The following ABCA13 variants were observed in gnomAD, a reference collection of about 807,000 sequenced individuals.
The protein encoded by ABCA13 is ATP binding cassette subfamily A member 13, also known as ATP-binding cassette sub-family A member 13.
In ABCA13, 476 loss-of-function variants were observed where a neutral mutation model predicts 478.7. The observed-to-expected ratio is 0.99, with a 90% CI of 0.92 to 1.07. ABCA13 has a LOEUF of 1.07. Ranked by LOEUF, ABCA13 falls within the 50% of genes least tolerant of loss-of-function variation. ABCA13 has a pLI of 0.00. For synonymous variants in ABCA13, 2,252 were observed against 2,158.9 expected, an observed-to-expected ratio of 1.04 and a Z score of -1.20; for missense variants, 6,060 against 5,910.6, an observed-to-expected ratio of 1.03 and a Z score of -0.83.
At chr7:48,589,918 AG>A (rs1789552287) in intron 57 of ABCA13, among the ~76,000 whole-genome samples, 1 of 152,190 alleles carries the variant, frequency 6.6e-6, no homozygotes, top group Non-Finnish European at 1.5e-5. Flanking sequence ...CACCTCCCAA[AG>A]GTCACACCTC....
chr7:48,395,224 ACT>A (rs1173679931), intron 38 of ABCA13, among the ~76,000 whole-genome samples: 1 of 151,886 alleles, frequency 6.6e-6, no homozygotes, highest in African/African-American at 2.4e-5. Flanking sequence ...TGGTTCACAC[ACT>A]CTCTCCAGTT....
chr7:48,187,019 G>GTA (rs773804724), intron 1 of ABCA13, among the ~76,000 whole-genome samples: 3,907 of 145,084 alleles, frequency 0.027, 70 homozygotes, highest in South Asian at 0.078. Flanking sequence ...ATGTGTGTGT[G>GTA]TATATATATA....
intron 59 of ABCA13, among the ~76,000 whole-genome samples, chr7:48,635,727 G>C (rs1461590861): frequency 6.6e-6 from 1 of 152,186 alleles, no homozygotes; most frequent in Non-Finnish European, 1.5e-5. Flanking sequence ...CTTGGATGCA[G>C]CAGGCTGGAG....
chr7:48,483,262 T>G, intron 47 of ABCA13, 99 bp downstream of exon 47: 1 of 1,013,066 alleles, frequency 9.9e-7, no homozygotes, highest in East Asian at 2.7e-5. Context: ...AGGACCAGAT[T>G]AAATCCAATC....
chr7:48,185,041 G>A (rs1470918437), intron 1 of ABCA13, among the ~76,000 whole-genome samples: 2 of 147,434 alleles, frequency 1.4e-5, no homozygotes, highest in Non-Finnish European at 3.0e-5. Flanking sequence ...TCTCCATGTT[G>A]CCTAGGCTGA....
intron 48 of ABCA13, among the ~76,000 whole-genome samples, chr7:48,500,318 G>A (rs138261392): frequency 3.3e-5 from 5 of 152,270 alleles, no homozygotes; most frequent in Non-Finnish European, 5.9e-5. Flanking sequence ...AGCCCATGCC[G>A]TTGCAATTGC....
intron 2 of ABCA13, among the ~76,000 whole-genome samples, chr7:48,194,337 G>A (rs143556036): frequency 3.4e-5 from 5 of 146,506 alleles, no homozygotes; most frequent in Admixed American, 6.8e-5. Context: ...AGATAATGAT[G>A]ATGGTAATGA....
chr7:48,206,026 C>T (rs751078138), intron 3 of ABCA13, among the ~76,000 whole-genome samples: 1 of 152,144 alleles, frequency 6.6e-6, no homozygotes, highest in Admixed American at 6.6e-5. Context: ...CCCAACCTAC[C>T]TCCACTCACC....
chr7:48,404,737 A>T (rs1007052391), intron 39 of ABCA13: 1 of 152,350 alleles, frequency 6.6e-6, no homozygotes, highest in East Asian at 1.9e-4. Flanking sequence ...TGGACCATCA[A>T]ATTCTATCTT....
At chr7:48,372,146 G>A (rs1032239050) in intron 32 of ABCA13, 22 bp from the exon 33 acceptor site, 5 of 1,594,638 alleles carry the variant, frequency 3.1e-6, no homozygotes, top group African/African-American at 2.7e-5. Context: ...TGGTAACCTT[G>A]GGTTTTTTCT....
chr7:48,366,278 A>T (rs1240219137), intron 31 of ABCA13, among the ~76,000 whole-genome samples: 1 of 151,654 alleles, frequency 6.6e-6, no homozygotes, highest in East Asian at 1.9e-4. Flanking sequence ...CTTCCTTTAG[A>T]TACCTGTGTG....
chr7:48,531,799 T>A (rs1833257219), intron 55 of ABCA13, among the ~76,000 whole-genome samples: 1 of 149,792 alleles, frequency 6.7e-6, no homozygotes, highest in African/African-American at 2.5e-5. Context: ...ATTCTCCGTT[T>A]GGTTGCTTTT....
chr7:48,519,495 TA>T (rs1179506071), intron 52 of ABCA13, among the ~76,000 whole-genome samples: 13 of 152,360 alleles, frequency 8.5e-5, no homozygotes, highest in African/African-American at 2.6e-4. Context: ...AATCACAGTT[TA>T]TATGATGACA....
intron 26 of ABCA13, among the ~76,000 whole-genome samples, chr7:48,315,002 G>A (rs2128892820): frequency 6.6e-6 from 1 of 152,264 alleles, no homozygotes; most frequent in African/African-American, 2.4e-5. Context: ...GTTTTTATTA[G>A]AAAGGCAGAA....
chr7:48,189,181 G>A (rs1382365303), intron 1 of ABCA13, among the ~76,000 whole-genome samples: 6 of 152,288 alleles, frequency 3.9e-5, no homozygotes, highest in Admixed American at 6.5e-5. Context: ...TGAGATGTGC[G>A]AGATACGGTG....
chr7:48,178,311 G>A (rs1795158644), intron 1 of ABCA13, among the ~76,000 whole-genome samples: 2 of 152,210 alleles, frequency 1.3e-5, no homozygotes, highest in African/African-American at 2.4e-5. Context: ...AAGCATCTCA[G>A]TGTTTCTTTA....
chr7:48,574,798 C>T (rs1788013149), intron 55 of ABCA13, among the ~76,000 whole-genome samples: 1 of 152,178 alleles, frequency 6.6e-6, no homozygotes, highest in African/African-American at 2.4e-5. Context: ...ACACATGTCT[C>T]CTCTCAGTGA....
intron 2 of ABCA13, among the ~76,000 whole-genome samples, chr7:48,193,829 TGATGATGATGAA>T (rs1797467290): frequency 1.3e-5 from 2 of 152,048 alleles, no homozygotes; most frequent in Admixed American, 1.3e-4. Flanking sequence ...GTGATGATGG[TGATGATGATGAA>T]GATGATGATA....
chr7:48,506,227 A>G (rs981009527), intron 48 of ABCA13, 109 bp from the exon 49 acceptor site: 25 of 1,224,556 alleles, frequency 2.0e-5, no homozygotes, highest in Non-Finnish European at 2.8e-5. Flanking sequence ...TGGGCAAAGC[A>G]AGCAGGATAC....
Sources: allele counts gnomAD v4.1 joint callset (sites outside exome capture counted in the v4.1 genomes callset), GRCh38; gene constraint gnomAD v4.1.1; transcripts MANE v1.5; gene names NCBI Gene and HGNC (gene_info 2026-07-23, HGNC 2026-07-21).